The following SPAG17 variants were observed in gnomAD, a reference collection of about 807,000 sequenced individuals.
The protein encoded by SPAG17 is sperm-associated antigen 17.
A neutral mutation model predicts 273.6 loss-of-function variants in SPAG17; 169 were observed. That is an observed-to-expected ratio of 0.62 (90% CI 0.55 to 0.70). The LOEUF is 0.70. Ranked by LOEUF, SPAG17 falls within the 30% of genes least tolerant of loss-of-function variation. SPAG17 has a pLI of 0.00. For missense variants in SPAG17, 2,557 were observed against 2,627.8 expected (o/e 0.97, Z 0.59); for synonymous variants, 825 against 873.2 (o/e 0.94, Z 0.97).
intron 4 of SPAG17, 45 bp downstream of exon 4, chr1:118,115,265 T>C: frequency 6.2e-7 from 1 of 1,602,912 alleles, no homozygotes; most frequent in Non-Finnish European, 8.5e-7. Flanking sequence ...CTCCATTTCA[T>C]TCACCACTTG....
chr1:118,081,354 A>G (rs1218104490), intron 14 of SPAG17, 35 bp from the exon 15 acceptor site: 1 of 1,611,430 alleles, frequency 6.2e-7, no homozygotes, highest in Non-Finnish European at 8.5e-7. Flanking sequence ...GAGATACAAT[A>G]TGAGAAAAAT....
At chr1:118,173,045 C>T (rs1338231695) in intron 1 of SPAG17, among the ~76,000 whole-genome samples, 1 of 151,480 alleles carries the variant, frequency 6.6e-6, no homozygotes. Context: ...AAAAGAAAAT[C>T]AGAATTTATT....
At chr1:117,987,980 G>A (rs1244567664) in intron 39 of SPAG17, 99 bp from the exon 40 acceptor site, 1 of 1,466,480 alleles carries the variant, frequency 6.8e-7, no homozygotes, top group African/African-American at 1.4e-5. Context: ...ATTATTAATA[G>A]TATGGGAGAT....
chr1:118,185,225 C>T lies in SPAG17; in HGVS notation c.-68G>A, dbSNP rs1661139028. 1.5e-6 allele frequency: 2 copies of T among 1,319,276 alleles called. No individual in the cohort carries two copies. The highest frequency in any genetic ancestry group is 2.4e-5 in the South Asian group (2 of 84,860). The allele number at this position is 1,319,276 out of a possible 1,614,324, so 81.7% of individuals were successfully genotyped here. On this transcript the variant is annotated 5_prime_UTR_variant, in exon 1 of 49. In the 5' UTR this introduces an upstream ATG that the reference lacks. Coordinates refer to ENST00000336338, the MANE Select transcript of SPAG17 (RefSeq NM_206996.4). ...CCCTGCCTAAGCGTCCCCGCTACCACAGTAACCGAAGCCACGCCCAGTTCC... is the reference window on the plus strand; with the variant it reads ...CCCTGCCTAAGCGTCCCCGCTACCATAGTAACCGAAGCCACGCCCAGTTCC...
intron 48 of SPAG17, among the ~76,000 whole-genome samples, chr1:117,957,548 G>A (rs933276322): frequency 6.6e-6 from 1 of 152,232 alleles, no homozygotes; most frequent in Non-Finnish European, 1.5e-5. Flanking sequence ...AGCCAATTAT[G>A]ATTGGCCAGT....
At chr1:118,036,664 C>T in intron 24 of SPAG17, 106 bp downstream of exon 24, 1 of 721,472 alleles carries the variant, frequency 1.4e-6, no homozygotes. Flanking sequence ...CAATGAGGAG[C>T]ATTAAATCAT....
intron 21 of SPAG17, among the ~76,000 whole-genome samples, chr1:118,041,339 T>A (rs892113769): frequency 1.3e-5 from 2 of 151,804 alleles, no homozygotes; most frequent in African/African-American, 4.8e-5. Context: ...TTCTTTCCAT[T>A]TTTTTTTCCC....
intron 29 of SPAG17, among the ~76,000 whole-genome samples, chr1:118,012,840 C>T (rs1359149410): frequency 6.6e-6 from 1 of 152,196 alleles, no homozygotes; most frequent in Non-Finnish European, 1.5e-5. Context: ...GTCATCAGAG[C>T]AGTACTTGAA....
rs5777337 is a variant in SPAG17, at chr1:118,136,801, A to ATGTGTGTGTGTGTG, written c.315+13728_315+13741dup. 4.9e-3 allele frequency among the ~76,000 whole-genome samples: 723 copies of ATGTGTGTGTGTGTG among 147,242 alleles called. 4 individuals carry two copies. Among genetic ancestry groups the ATGTGTGTGTGTGTG allele is most frequent in the East Asian group, 0.026 (131 of 4,972 alleles). ...AAAGGGGTAAAGTGTGTGTGTGTGT[A>ATGTGTGTGTGTGTG]TGTGTGTGTGTGTGTGTGTGTGTGT... On this transcript the variant is annotated intron_variant, in intron 3 of 48. Transcript: ENST00000336338.
intron 32 of SPAG17, among the ~76,000 whole-genome samples, chr1:118,000,743 A>G (rs1255169451): frequency 2.0e-5 from 3 of 152,132 alleles, no homozygotes; most frequent in Admixed American, 6.6e-5. Context: ...GGGTTTTCTA[A>G]ATATACAATC....
chr1:117,965,176 C>G (rs1653662195), intron 47 of SPAG17: 1 of 152,204 alleles, frequency 6.6e-6, no homozygotes, highest in Admixed American at 6.5e-5. Context: ...TTTATCCCAA[C>G]CAAATTTAAC....
At chr1:117,996,800 T>G in intron 32 of SPAG17, 57 bp from the exon 33 acceptor site, 5 of 1,488,620 alleles carry the variant, frequency 3.4e-6, no homozygotes, top group Non-Finnish European at 4.5e-6. Flanking sequence ...TGCTTAAACT[T>G]CTGCTGATTC....
intron 10 of SPAG17, 26 bp downstream of exon 10, chr1:118,091,580 T>C: frequency 2.2e-6 from 3 of 1,336,388 alleles, no homozygotes; most frequent in Admixed American, 1.7e-5. Context: ...TACTCAAGTA[T>C]ACAACCTGGG....
intron 32 of SPAG17, among the ~76,000 whole-genome samples, chr1:118,002,263 T>C (rs1658373134): frequency 6.6e-6 from 1 of 152,190 alleles, no homozygotes; most frequent in South Asian, 2.1e-4. Flanking sequence ...AATTGTAAAA[T>C]AAGTGTGATG....
chr1:118,100,680 T>C (rs1274821391), intron 5 of SPAG17, among the ~76,000 whole-genome samples: 1 of 152,174 alleles, frequency 6.6e-6, no homozygotes, highest in Non-Finnish European at 1.5e-5. Flanking sequence ...CAGAGATGCA[T>C]GAGGGGAGTC....
intron 42 of SPAG17, among the ~76,000 whole-genome samples, chr1:117,981,921 GC>G (rs1473424131): frequency 6.6e-6 from 1 of 152,204 alleles, no homozygotes; most frequent in Non-Finnish European, 1.5e-5. Flanking sequence ...TTGTGTGTGT[GC>G]CAACCCTGGT....
At chr1:118,100,538 T>G (rs1423132877) in intron 5 of SPAG17, among the ~76,000 whole-genome samples, 1 of 152,196 alleles carries the variant, frequency 6.6e-6, no homozygotes, top group Non-Finnish European at 1.5e-5. Context: ...AAGATCAATA[T>G]ATAAATAGTG....
chr1:118,025,170 T>C (rs1291075954), intron 27 of SPAG17, 68 bp downstream of exon 27: 2 of 1,454,870 alleles, frequency 1.4e-6, no homozygotes, highest in African/African-American at 2.8e-5. Flanking sequence ...TATAGAACAG[T>C]TCCTTACCCA....
chr1:118,093,206 G>A lies in SPAG17; in HGVS notation c.1123C>T (p.Pro375Ser), dbSNP rs543350664. The part of the protein sequence containing the change: ...YLESMQLINV[P>S]QVVNEKPVLE... ...ACAGGTTTCTCATTAACCACTTGTG[G>A]AACATTAATAAGCTGCATGCTTTCC... is the stretch of plus-strand genomic sequence containing the variant. Residue 375 changes from proline (P) to serine (S), a missense_variant, in exon 8 of 49, where the codon CCA becomes TCA. Physicochemically the swap from Pro to Ser is moderately conservative, Grantham distance 74. Coordinates refer to ENST00000336338, the MANE Select transcript of SPAG17 (RefSeq NM_206996.4). The A allele has an allele frequency of 1.2e-4, 198 of 1,613,672 alleles. 1 individual carries two copies. The South Asian group carries it at 2.1e-3, about 17-fold the overall frequency.
Sources: gnomAD v4.1 joint callset for allele counts (sites outside exome capture counted in the v4.1 genomes callset) on GRCh38, gnomAD v4.1.1 for gene constraint, MANE v1.5 for transcripts, NCBI Gene and HGNC (gene_info 2026-07-23, HGNC 2026-07-21) for gene names.